The following ANAPC5 variants were observed in gnomAD, a reference collection of about 807,000 sequenced individuals.
ANAPC5 encodes the protein anaphase-promoting complex subunit 5.
Under a neutral mutation model 91.3 loss-of-function variants are expected in ANAPC5, and 60 were observed. The observed-to-expected ratio is 0.66, with a 90% confidence interval of 0.53 to 0.81. The LOEUF (loss-of-function observed/expected upper bound fraction) is 0.81. ANAPC5 is among the 40% of genes least tolerant of loss of function. The probability of loss-of-function intolerance (pLI) is 0.00; values close to 1 mark genes in which losing one functional copy is unlikely to be tolerated. For missense variants in ANAPC5, 690 were observed against 931.5 expected, an observed-to-expected ratio of 0.74 and a Z score of 3.37; for synonymous variants, 340 against 364.1, an observed-to-expected ratio of 0.93 and a Z score of 0.75.
chr12:121,318,861 A>C (rs1902477725), intron 13 of ANAPC5, among the ~76,000 whole-genome samples: 1 of 152,104 alleles, frequency 6.6e-6, no homozygotes, highest in African/African-American at 2.4e-5. Context: ...TCTACTAAAA[A>C]TACAAAAAAT....
intron 1 of ANAPC5, among the ~76,000 whole-genome samples, chr12:121,349,997 C>T (rs1903822009): frequency 6.6e-6 from 1 of 152,030 alleles, no homozygotes; most frequent in South Asian, 2.1e-4. Flanking sequence ...AGGTGTGATC[C>T]CACCCGGCCT....
chr12:121,308,470 G>T lies in ANAPC5; in HGVS notation c.*10C>A, dbSNP rs1902025761. 1 of 1,612,648 alleles carries T rather than the reference G, an allele frequency of 6.2e-7. No homozygotes were observed. Among genetic ancestry groups the T allele is most frequent in the African/African-American group, 1.3e-5 (1 of 74,904 alleles). ...ATACTCTGCACAGCAGCCCAGCAGG[G>T]ATGTCCTCTCTAGAGATGGTTTATC... On this transcript the variant is annotated 3_prime_UTR_variant, in exon 17 of 17. Coordinates refer to ENST00000261819, the MANE Select transcript of ANAPC5 (RefSeq NM_016237.5).
Position 121,331,434 on chromosome 12 carries a change from G to T in ANAPC5, c.951-6C>A. The T allele has an allele frequency of 6.2e-7, 1 of 1,605,476 alleles. No individual in the cohort carries two copies. The highest frequency in any genetic ancestry group is 1.1e-5 in the South Asian group (1 of 90,856). ...GGGCGAGCTCTGCCTGTTGACTAAT[G>T]ACAGACTAAACATTAATATCCCATT... On this transcript the variant is annotated splice_polypyrimidine_tract_variant and splice_region_variant and intron_variant, in intron 7 of 16. Coordinates refer to ENST00000261819, the MANE Select transcript of ANAPC5 (RefSeq NM_016237.5).
intron 1 of ANAPC5, among the ~76,000 whole-genome samples, chr12:121,348,268 G>A (rs1450644964): frequency 4.6e-5 from 7 of 152,136 alleles, no homozygotes; most frequent in Non-Finnish European, 1.0e-4. Context: ...TTGTAAACTG[G>A]AAAACACTAT....
At chr12:121,329,588 G>T (rs999366629) in intron 9 of ANAPC5, among the ~76,000 whole-genome samples, 15 of 151,300 alleles carry the variant, frequency 9.9e-5, no homozygotes, top group African/African-American at 3.6e-4. Flanking sequence ...GTTTCTGAGA[G>T]AGAATAAGGT....
At chr12:121,343,306 C>A (rs1903532555) in intron 4 of ANAPC5, among the ~76,000 whole-genome samples, 1 of 152,076 alleles carries the variant, frequency 6.6e-6, no homozygotes, top group Non-Finnish European at 1.5e-5. Context: ...TTTCTGAGGG[C>A]AACTAACTAA....
chr12:121,318,681 T>C (rs1902467487), intron 13 of ANAPC5, 73 bp from the exon 14 acceptor site: 3 of 1,332,190 alleles, frequency 2.3e-6, no homozygotes, highest in Middle Eastern at 1.8e-4. Flanking sequence ...ATTTATTCAA[T>C]TGCGCTATAA....
intron 9 of ANAPC5, 40 bp downstream of exon 9, chr12:121,330,543 A>G: frequency 6.4e-7 from 1 of 1,559,022 alleles, no homozygotes; most frequent in Non-Finnish European, 8.8e-7. Context: ...CAAAGGCTCG[A>G]CCATTTATGG....
chr12:121,326,034 C>T (rs553911284), intron 11 of ANAPC5, among the ~76,000 whole-genome samples: 1 of 152,308 alleles, frequency 6.6e-6, no homozygotes, highest in South Asian at 2.1e-4. Flanking sequence ...GGGAAGCAAC[C>T]AGCTAGCCCT....
At chr12:121,337,529 T>G in intron 5 of ANAPC5, 137 bp from the exon 6 acceptor site, 1 of 608,068 alleles carries the variant, frequency 1.6e-6, no homozygotes, top group Non-Finnish European at 2.8e-6. Context: ...TCGCCAGCCT[T>G]GGCTGGCCTT....
In ANAPC5 at chr12:121,316,369, G is replaced by C. The variant is rs1023195184; in HGVS notation, c.1893+1908C>G. Among the ~76,000 whole-genome samples, 9 of 152,152 alleles carry C rather than the reference G, an allele frequency of 5.9e-5. No homozygotes were observed. In the East Asian group the frequency reaches 1.7e-3, roughly 29 times the overall value. The stretch of plus-strand genomic sequence containing the variant: ...TGAAACAAAATGGTGCAGCCACTGT[G>C]GCATTTCCTTAAGAAGTTAAACACA... On this transcript the variant is annotated intron_variant, in intron 15 of 16. Coordinates refer to ENST00000261819, the MANE Select transcript of ANAPC5 (RefSeq NM_016237.5).
chr12:121,320,577 A>C, intron 11 of ANAPC5, 118 bp from the exon 12 acceptor site: 1 of 717,360 alleles, frequency 1.4e-6, no homozygotes, highest in African/African-American at 1.8e-5. Flanking sequence ...AACCTGAGAG[A>C]TACTGGTCAG....
chr12:121,345,399 A>G (rs1158348870), intron 4 of ANAPC5, among the ~76,000 whole-genome samples: 1 of 152,152 alleles, frequency 6.6e-6, no homozygotes, highest in Non-Finnish European at 1.5e-5. Context: ...TCAATTGACA[A>G]AAGTAGGGGA....
rs1461220947 is a variant in ANAPC5, at chr12:121,308,440, ATCTTATAC to A, written c.*32_*39del. On this transcript the variant is annotated 3_prime_UTR_variant, in exon 17 of 17. Transcript: ENST00000261819. Reference sequence around the variant, plus strand: ...GAGAGGGGACATGAACAAGTCCAAAATCTTATACTCTGCACAGCAGCCCAGCAGGGATG... The same window carrying A: ...GAGAGGGGACATGAACAAGTCCAAAATCTGCACAGCAGCCCAGCAGGGATG... 6.3e-7 allele frequency: 1 copy of A among 1,585,252 alleles called. No homozygotes were observed. The highest frequency in any genetic ancestry group is 1.3e-5 in the African/African-American group (1 of 74,380).
intron 5 of ANAPC5, among the ~76,000 whole-genome samples, chr12:121,341,457 A>G (rs751338806): frequency 3.3e-5 from 5 of 152,170 alleles, no homozygotes; most frequent in Admixed American, 3.3e-4. Flanking sequence ...GCAATGCTCT[A>G]GCCTGGGCAA....
At chr12:121,319,139 A>G (rs2136765748) in intron 13 of ANAPC5, among the ~76,000 whole-genome samples, 1 of 152,190 alleles carries the variant, frequency 6.6e-6, no homozygotes, top group East Asian at 1.9e-4. Context: ...ACACACACAC[A>G]CACGCATGCA....
At position 121,342,662 on chromosome 12, in the gene ANAPC5, C is replaced by A. The variant is rs147672484; in HGVS notation, c.591-593G>T. On this transcript the variant is annotated intron_variant, in intron 4 of 16. Coordinates refer to ENST00000261819, the MANE Select transcript of ANAPC5 (RefSeq NM_016237.5). This position sits in a 1 kb window ranked among gnomAD's most constrained non-coding sequence, Gnocchi z 4.1. The stretch of plus-strand genomic sequence containing the variant: ...GATCACAAGGTCAAGAGATCAAGAC[C>A]ATCCTGACCAACATGGTGAAAACCT... Among the ~76,000 whole-genome samples, 56 of 152,276 alleles carry A rather than the reference C, an allele frequency of 3.7e-4. 1 individual carries two copies. In the East Asian group the frequency reaches 0.011, roughly 29 times the overall value.
At chr12:121,340,391 T>C (rs1903401397) in intron 5 of ANAPC5, among the ~76,000 whole-genome samples, 1 of 151,842 alleles carries the variant, frequency 6.6e-6, no homozygotes, top group African/African-American at 2.4e-5. Context: ...AATATTTACA[T>C]TTAACCCTGT....
chr12:121,328,076 A>G (rs1441638314), intron 10 of ANAPC5: 9 of 432,082 alleles, frequency 2.1e-5, no homozygotes, highest in African/African-American at 4.0e-5. Context: ...CCCAGCATGG[A>G]GATCACCCAC....
Sources: allele counts gnomAD v4.1 joint callset (sites outside exome capture counted in the v4.1 genomes callset), GRCh38; gene constraint gnomAD v4.1.1; non-coding constraint Gnocchi (gnomAD v3.1); transcripts MANE v1.5; gene names NCBI Gene and HGNC (gene_info 2026-07-23, HGNC 2026-07-21).